PPEF1: variants seen among roughly 807,000 people sequenced by gnomAD.
The protein encoded by PPEF1 is protein phosphatase with EF-hand domain 1.
Under a neutral mutation model 53.3 loss-of-function variants are expected in PPEF1, and 12 were observed. The ratio of observed to expected loss-of-function variants is 0.23; its 90% CI spans 0.14 to 0.36. The LOEUF (loss-of-function observed/expected upper bound fraction) is 0.36. Among genes scored for constraint, PPEF1 ranks in the 10% least tolerant of loss-of-function variants. PPEF1 has a pLI of 1.00. For missense variants in PPEF1, 334 were observed against 490.4 expected (o/e 0.68, Z 3.01); for synonymous variants, 165 against 176.7 (o/e 0.93, Z 0.52).
chrX:18,773,774 C>G (rs184120725), intron 6 of PPEF1, among the ~76,000 whole-genome samples: 323 of 111,780 alleles, frequency 2.9e-3, no homozygotes, highest in African/African-American at 9.8e-3. Context: ...GCAGTCCTCT[C>G]TCTCTCTCTC....
intron 7 of PPEF1, among the ~76,000 whole-genome samples, chrX:18,779,572 A>G (rs979294601): frequency 8.9e-6 from 1 of 111,926 alleles, no homozygotes; most frequent in Non-Finnish European, 1.9e-5. Flanking sequence ...TGTCTCAGAA[A>G]CTAGTTCCAT....
intron 9 of PPEF1, among the ~76,000 whole-genome samples, chrX:18,784,840 T>C (rs1209574137): frequency 9.0e-6 from 1 of 110,675 alleles, no homozygotes; most frequent in Non-Finnish European, 1.9e-5. Context: ...TCACGCCTAG[T>C]GAAGGGTTCC....
In PPEF1 at chrX:18,803,433, G is replaced by C. The variant is rs1437154171; in HGVS notation, c.1066-459G>C. ...TTGTTTATGGCTAGTTTTGGGGCCA[G>C]TTTATGGCCAGATTTTAGGGGGGCC... On this transcript the variant is annotated intron_variant, in intron 10 of 15. Transcript: ENST00000470157. Among the ~76,000 whole-genome samples, 6 of 112,598 alleles carry C rather than the reference G, an allele frequency of 5.3e-5. No homozygotes were observed. The East Asian group carries it at 1.7e-3, about 32-fold the overall frequency.
At chrX:18,771,444 T>C (rs1165337264) in intron 6 of PPEF1, among the ~76,000 whole-genome samples, 1 of 111,912 alleles carries the variant, frequency 8.9e-6, no homozygotes, top group Non-Finnish European at 1.9e-5. Context: ...ATTAAGATGA[T>C]AATTTTTAAT....
intron 10 of PPEF1, among the ~76,000 whole-genome samples, chrX:18,797,385 C>T (rs1364661598): frequency 1.8e-5 from 2 of 111,725 alleles, no homozygotes; most frequent in African/African-American, 3.3e-5. Flanking sequence ...TATATTTAAT[C>T]GGAGTTAAGT....
chrX:18,685,502 G>A (rs1284380695), intron 2 of PPEF1, among the ~76,000 whole-genome samples: 4 of 110,135 alleles, frequency 3.6e-5, no homozygotes, highest in African/African-American at 1.3e-4. Flanking sequence ...TGGCTAACAC[G>A]GTGAAACCCC....
At chrX:18,749,224 C>G (rs1051674370) in intron 3 of PPEF1, among the ~76,000 whole-genome samples, 2 of 111,693 alleles carry the variant, frequency 1.8e-5, no homozygotes, top group Non-Finnish European at 3.8e-5. Context: ...TGTCCTTTAA[C>G]TTTATCTGCT....
chrX:18,775,205 C>T (rs1287637493), intron 6 of PPEF1, among the ~76,000 whole-genome samples: 1 of 94,259 alleles, frequency 1.1e-5, no homozygotes, highest in Non-Finnish European at 2.1e-5. Flanking sequence ...TACCTTTAAC[C>T]CATTGCTTTT....
intron 12 of PPEF1, among the ~76,000 whole-genome samples, chrX:18,813,672 A>T (rs2046851912): frequency 9.0e-6 from 1 of 111,321 alleles, no homozygotes; most frequent in African/African-American, 3.3e-5. Flanking sequence ...TTTGATAATT[A>T]AGTATGATGT....
chrX:18,811,601 ATATATATATATATATTTTT>A (rs770965022), intron 12 of PPEF1, among the ~76,000 whole-genome samples: 1,787 of 76,924 alleles, frequency 0.023, 30 homozygotes, highest in African/African-American at 0.076. Flanking sequence ...ATATATATAT[ATATATATATATATATTTTT>A]TTTTTTTTTT....
At chrX:18,720,484 C>T (rs1402824268) in intron 1 of PPEF1, among the ~76,000 whole-genome samples, 3 of 110,009 alleles carry the variant, frequency 2.7e-5, no homozygotes, top group Admixed American at 9.7e-5. Context: ...CTCAGCTACT[C>T]GGGAAGCTGA....
rs1449695622 is a variant in PPEF1 at position 18,710,972 on chromosome X, G to A, written c.46+3146G>A. ...TGATTGGGTAAAGAAAATGTGTGGT[G>A]TATGTATATGTAAGTGTGTGTGTGT... On this transcript the variant is annotated intron_variant, in intron 1 of 15. Transcript: ENST00000470157. 6.4e-5 allele frequency among the ~76,000 whole-genome samples: 7 copies of A among 108,958 alleles called. No individual in the cohort carries two copies. In the East Asian group the frequency reaches 8.6e-4, roughly 13 times the overall value. 94.6% of individuals were successfully genotyped at this position (108,958 alleles called of 115,157 possible). A position where few individuals can be genotyped will look rare whatever the true frequency, so the allele number is the denominator to read the frequency against.
chrX:18,721,357 T>G (rs1029315505), intron 1 of PPEF1, among the ~76,000 whole-genome samples: 2 of 112,459 alleles, frequency 1.8e-5, no homozygotes, highest in Admixed American at 1.9e-4. Context: ...TTGATTGATT[T>G]ATTTTCAAAT....
intron 4 of PPEF1, among the ~76,000 whole-genome samples, chrX:18,756,641 T>C (rs899676350): frequency 8.0e-5 from 9 of 112,348 alleles, no homozygotes; most frequent in Non-Finnish European, 1.7e-4. Flanking sequence ...AATATTGCAG[T>C]TGTAAATATA....
intron 7 of PPEF1, among the ~76,000 whole-genome samples, chrX:18,780,234 C>T (rs1416314493): frequency 2.7e-5 from 3 of 111,877 alleles, no homozygotes; most frequent in Non-Finnish European, 5.6e-5. Flanking sequence ...GGGAATCCAA[C>T]CTTGTCTGAG....
chrX:18,794,626 C>G (rs988569712), intron 10 of PPEF1, among the ~76,000 whole-genome samples: 6 of 112,854 alleles, frequency 5.3e-5, no homozygotes, highest in Non-Finnish European at 1.1e-4. Flanking sequence ...TGGGGTCTAG[C>G]ACCTGCAGGC....
intron 12 of PPEF1, among the ~76,000 whole-genome samples, chrX:18,807,002 T>TG (rs1309626020): frequency 2.2e-4 from 12 of 53,968 alleles, no homozygotes; most frequent in South Asian, 1.0e-3. Context: ...GTGTTTTTTT[T>TG]GGTTTTTTTT....
intron 5 of PPEF1, among the ~76,000 whole-genome samples, chrX:18,699,233 T>C (rs1426000012): frequency 1.8e-5 from 2 of 111,317 alleles, no homozygotes; most frequent in African/African-American, 6.5e-5. Context: ...AATATACTAA[T>C]AGGACAGAAG....
chrX:18,694,546 G>A lies in PPEF1; in HGVS notation c.-312-3299G>A, dbSNP rs186709417. Reference sequence around the variant, plus strand: ...CAGGCGGATACCTAGAGACCAGTCTGAACAACGTGGCAAAACCCACTCCCT... The same window carrying A: ...CAGGCGGATACCTAGAGACCAGTCTAAACAACGTGGCAAAACCCACTCCCT... On this transcript the variant is annotated intron_variant, in intron 4 of 21. Coordinates refer to the PPEF1 transcript ENST00000361511. Among the ~76,000 whole-genome samples the A allele has an allele frequency of 3.3e-3, 368 of 111,579 alleles. 1 individual carries two copies. The highest frequency in any genetic ancestry group is 4.4e-3 in the Non-Finnish European group (231 of 53,089).
Sources: allele counts gnomAD v4.1 joint callset (sites outside exome capture counted in the v4.1 genomes callset), GRCh38; gene constraint gnomAD v4.1.1; transcripts MANE v1.5; gene names NCBI Gene and HGNC (gene_info 2026-07-23, HGNC 2026-07-21).